Variants in SPPL2A observed in about 807,000 individuals in gnomAD.
SPPL2A encodes the protein signal peptide peptidase-like 2A.
A neutral mutation model predicts 63.8 loss-of-function variants in SPPL2A; 51 were observed. The observed-to-expected ratio is 0.80, with a 90% CI of 0.64 to 1.01. The LOEUF is 1.01. Among genes scored for constraint, SPPL2A ranks in the 50% least tolerant of loss-of-function variants. SPPL2A has a pLI of 0.00. For missense variants in SPPL2A, 553 were observed against 622.7 expected (o/e 0.89, Z 1.19); for synonymous variants, 188 against 205.8 (o/e 0.91, Z 0.74).
rs560845851 is a variant in SPPL2A, at chr15:50,759,205, A to G, written c.66+6263T>C. On this transcript the variant is annotated intron_variant, in intron 1 of 14. Coordinates refer to ENST00000261854, the MANE Select transcript of SPPL2A (RefSeq NM_032802.4). ...AGGCATGAGCCACCATGCCTGGCCA[A>G]CTTTTCCTATTTTTAAGCCTTTTCT... Among the ~76,000 whole-genome samples, 4 of 152,220 alleles carry G rather than the reference A, an allele frequency of 2.6e-5. No individual in the cohort carries two copies. In the South Asian group the frequency reaches 8.3e-4, roughly 32 times the overall value.
intron 1 of SPPL2A, 179 bp from the exon 2 acceptor site, chr15:50,749,925 T>C (rs897208096): frequency 6.7e-6 from 4 of 594,958 alleles, no homozygotes; most frequent in Middle Eastern, 4.4e-4. Flanking sequence ...ATTAAAACTA[T>C]ACACAATTGC....
rs140174698 is a variant in SPPL2A at position 50,725,330 on chromosome 15, AAAAACAAAACAAAACAAAAC to A, written c.1147-27_1147-8del. 3.2e-6 allele frequency: 4 copies of A among 1,241,552 alleles called. No individual in the cohort carries two copies. Among genetic ancestry groups the A allele is most frequent in the East Asian group, 2.4e-5 (1 of 41,868 alleles). 76.9% of individuals were successfully genotyped at this position (1,241,552 alleles called of 1,614,324 possible). On this transcript the variant is annotated splice_polypyrimidine_tract_variant and splice_region_variant and intron_variant, in intron 11 of 14. Coordinates refer to ENST00000261854, the MANE Select transcript of SPPL2A (RefSeq NM_032802.4). ...CTCTGATGACTACTGGCAACTGTTC[AAAAACAAAACAAAACAAAAC>A]AAAACAAAACAAAAAACAAAACAGA... is the stretch of plus-strand genomic sequence containing the variant.
chr15:50,719,621 T>G (rs147905528), intron 14 of SPPL2A, among the ~76,000 whole-genome samples: 1 of 152,190 alleles, frequency 6.6e-6, no homozygotes. Context: ...ATTAAGTACT[T>G]ATTTTAAACA....
intron 8 of SPPL2A, among the ~76,000 whole-genome samples, chr15:50,735,202 G>A (rs956811247): frequency 5.3e-5 from 8 of 152,016 alleles, no homozygotes; most frequent in East Asian, 1.9e-4. Flanking sequence ...CACCATGCCC[G>A]GCAAGTATGT....
chr15:50,731,213 CTTCT>C (rs2062728099), intron 9 of SPPL2A, among the ~76,000 whole-genome samples, 174 bp from the exon 10 acceptor site: 1 of 152,136 alleles, frequency 6.6e-6, no homozygotes, highest in Admixed American at 6.5e-5. Context: ...AAACCCTTAT[CTTCT>C]TTATCTTATT....
intron 11 of SPPL2A, chr15:50,725,593 G>C: frequency 4.0e-6 from 1 of 249,660 alleles, no homozygotes; most frequent in African/African-American, 2.3e-5. Context: ...ACCATGCCTG[G>C]CTAATTTTTC....
At chr15:50,708,762 G>T (rs145507318) in intron 14 of SPPL2A, among the ~76,000 whole-genome samples, 2 of 150,410 alleles carry the variant, frequency 1.3e-5, no homozygotes, top group Non-Finnish European at 3.0e-5. Flanking sequence ...AGCTGGGCAC[G>T]GTGGCTCATG....
intron 14 of SPPL2A, among the ~76,000 whole-genome samples, chr15:50,708,221 TG>T (rs2062527290): frequency 1.3e-5 from 2 of 152,188 alleles, no homozygotes; most frequent in Admixed American, 1.3e-4. Flanking sequence ...TTCCAGGCAG[TG>T]TCCAATCATA....
intron 8 of SPPL2A, among the ~76,000 whole-genome samples, chr15:50,733,868 T>C (rs1006297740): frequency 9.2e-5 from 14 of 152,030 alleles, no homozygotes; most frequent in African/African-American, 3.4e-4. Context: ...GAATAGACAT[T>C]TCTCCAAAGA....
intron 14 of SPPL2A, among the ~76,000 whole-genome samples, chr15:50,718,184 A>T (rs1421534343): frequency 6.6e-6 from 1 of 151,710 alleles, no homozygotes; most frequent in Non-Finnish European, 1.5e-5. Flanking sequence ...TCACCGTGTT[A>T]GCCAGGATGG....
At chr15:50,757,464 G>A (rs1425274604) in intron 1 of SPPL2A, among the ~76,000 whole-genome samples, 5 of 152,058 alleles carry the variant, frequency 3.3e-5, no homozygotes. Context: ...TATGACAAAT[G>A]CTCCTTACTG....
chr15:50,757,351 G>T (rs1166493959), intron 1 of SPPL2A, among the ~76,000 whole-genome samples: 1 of 152,036 alleles, frequency 6.6e-6, no homozygotes, highest in Non-Finnish European at 1.5e-5. Context: ...CAAAGTGCTG[G>T]GATTACAGGC....
chr15:50,736,708 A>T lies in SPPL2A; in HGVS notation c.766T>A (p.Ser256Thr). Residue 256 changes from serine to threonine, a missense_variant, in exon 7 of 15, where the codon TCA (serine) becomes ACA (threonine). Coordinates refer to ENST00000261854, the MANE Select transcript of SPPL2A (RefSeq NM_032802.4). ...AGACAGTTGTACAGACTCATTGCTG[A>T]TGCTATGCAGAAAATTGCTATCATA... Reference protein sequence around the residue: ...YVMIAIFCIASAMSLYNCLAA... With the variant: ...YVMIAIFCIATAMSLYNCLAA... 2 of 1,608,688 alleles carry T rather than the reference A, an allele frequency of 1.2e-6. No individual in the cohort carries two copies. Among genetic ancestry groups the T allele is most frequent in the Middle Eastern group, 3.3e-4 (2 of 6,050 alleles).
chr15:50,751,679 A>C (rs1034605423), intron 1 of SPPL2A, among the ~76,000 whole-genome samples: 2 of 152,170 alleles, frequency 1.3e-5, no homozygotes, highest in Non-Finnish European at 2.9e-5. Context: ...ACAGCCCAAC[A>C]GCTTCTTCTC....
intron 6 of SPPL2A, among the ~76,000 whole-genome samples, chr15:50,738,620 G>A (rs902997858): frequency 6.6e-6 from 1 of 151,552 alleles, no homozygotes; most frequent in South Asian, 2.1e-4. Flanking sequence ...TTATGCTAAT[G>A]CTATACACAT....
At chr15:50,738,867 C>T (rs548002847) in intron 6 of SPPL2A, among the ~76,000 whole-genome samples, 1 of 152,190 alleles carries the variant, frequency 6.6e-6, no homozygotes, top group East Asian at 1.9e-4. Context: ...CAGGGAAGTA[C>T]CTGTGTGTCT....
intron 5 of SPPL2A, among the ~76,000 whole-genome samples, chr15:50,746,124 G>A (rs2062855261): frequency 6.6e-6 from 1 of 151,046 alleles, no homozygotes; most frequent in African/African-American, 2.4e-5. Context: ...ATTTATCCGT[G>A]ACTTTATAAA....
chr15:50,726,281 A>C, intron 11 of SPPL2A, 40 bp downstream of exon 11: 2 of 1,595,696 alleles, frequency 1.3e-6, no homozygotes, highest in Non-Finnish European at 1.7e-6. Flanking sequence ...ATACACATAC[A>C]TACACTGGAT....
intron 13 of SPPL2A, among the ~76,000 whole-genome samples, chr15:50,721,164 G>C (rs1312374541): frequency 2.6e-5 from 4 of 152,048 alleles, no homozygotes; most frequent in Admixed American, 2.6e-4. Flanking sequence ...CTCCCGAGTA[G>C]CTGGGAATAC....
Sources: allele counts gnomAD v4.1 joint callset (sites outside exome capture counted in the v4.1 genomes callset), GRCh38; gene constraint gnomAD v4.1.1; transcripts MANE v1.5; gene names NCBI Gene and HGNC (gene_info 2026-07-23, HGNC 2026-07-21).